SAMSN1: variants seen among roughly 807,000 people sequenced by gnomAD.
The protein encoded by SAMSN1 is SAM domain, SH3 domain and nuclear localization signals 1, also known as SAM domain-containing protein SAMSN-1.
In SAMSN1, 31 loss-of-function variants were observed where a neutral mutation model predicts 42.0. The observed-to-expected ratio is 0.74, with a 90% CI of 0.55 to 1.00. The LOEUF is 1.00. SAMSN1 is among the 50% of genes least tolerant of loss of function. The pLI is 0.00. For missense variants in SAMSN1, 464 were observed against 439.4 expected (o/e 1.06, Z -0.50); for synonymous variants, 178 against 151.9 (o/e 1.17, Z -1.26).
intron 1 of SAMSN1, among the ~76,000 whole-genome samples, chr21:14,542,421 T>C (rs1297470350): frequency 1.3e-5 from 2 of 152,060 alleles, no homozygotes; most frequent in Non-Finnish European, 2.9e-5. Flanking sequence ...TTAAATAAAT[T>C]AGTGTACAAA....
intron 6 of SAMSN1, among the ~76,000 whole-genome samples, chr21:14,599,744 G>A (rs1982378902): frequency 6.6e-6 from 1 of 152,140 alleles, no homozygotes; most frequent in Admixed American, 6.6e-5. Context: ...ATGAGTGGAA[G>A]CAGCCTGAGA....
At chr21:14,649,772 A>C (rs987815767) in intron 1 of SAMSN1, among the ~76,000 whole-genome samples, 3 of 135,646 alleles carry the variant, frequency 2.2e-5, no homozygotes, top group Non-Finnish European at 3.1e-5. Flanking sequence ...ACTGTCTCAA[A>C]ACACACACAC....
chr21:14,549,106 G>T (rs557235775), upstream of SAMSN1, among the ~76,000 whole-genome samples: 7 of 152,070 alleles, frequency 4.6e-5, no homozygotes, highest in African/African-American at 1.7e-4. Flanking sequence ...TGTATTTTTC[G>T]GGAAAGTAAG....
At chr21:14,614,886 C>A (rs1284658389) in intron 3 of SAMSN1, among the ~76,000 whole-genome samples, 2 of 152,084 alleles carry the variant, frequency 1.3e-5, no homozygotes, top group Non-Finnish European at 2.9e-5. Flanking sequence ...AAATCTGAGG[C>A]CCACCTTAAC....
chr21:14,536,415 A>C (rs1979623600), intron 1 of SAMSN1, among the ~76,000 whole-genome samples: 1 of 152,246 alleles, frequency 6.6e-6, no homozygotes, highest in Non-Finnish European at 1.5e-5. Flanking sequence ...TTCCAAACAA[A>C]GGGGAGGCTA....
chr21:14,639,319 A>G (rs535245186), intron 2 of SAMSN1, among the ~76,000 whole-genome samples: 2 of 152,320 alleles, frequency 1.3e-5, no homozygotes, highest in African/African-American at 4.8e-5. Context: ...TGAGAAGTCC[A>G]AGACAGAGGG....
chr21:14,496,213 T>G (rs542649180), intron 7 of SAMSN1: 1 of 152,342 alleles, frequency 6.6e-6, no homozygotes, highest in Admixed American at 6.5e-5. Context: ...ATTGGTGAAG[T>G]AGCAGAAAAC....
Position 14,494,644 on chromosome 21 carries a change from T to A in SAMSN1, c.919+3798A>T, listed in dbSNP as rs555516326. On this transcript the variant is annotated intron_variant, in intron 7 of 7. Coordinates refer to ENST00000400566, the MANE Select transcript of SAMSN1 (RefSeq NM_022136.5). ...ATGGGTGCAGCAAACCACCATGGCA[T>A]GTGTATACCTGTGTAACAAACCTCC... Among the ~76,000 whole-genome samples, 14 of 151,640 alleles carry A rather than the reference T, an allele frequency of 9.2e-5. No individual in the cohort carries two copies. In the East Asian group the frequency reaches 1.9e-3, roughly 21 times the overall value.
At chr21:14,555,317 T>A (rs948963320) in intron 2 of SAMSN1, among the ~76,000 whole-genome samples, 5 of 152,210 alleles carry the variant, frequency 3.3e-5, no homozygotes, top group African/African-American at 1.2e-4. Flanking sequence ...TAGGTTTGCA[T>A]CTTCTTGGTA....
chr21:14,553,461 T>C (rs1342929963), intron 2 of SAMSN1, among the ~76,000 whole-genome samples: 2 of 152,182 alleles, frequency 1.3e-5, no homozygotes. Context: ...AGATGTTTTT[T>C]CTGTTCTAAT....
At chr21:14,596,655 ACACT>A (rs1386919630) in intron 6 of SAMSN1, among the ~76,000 whole-genome samples, 7 of 152,174 alleles carry the variant, frequency 4.6e-5, no homozygotes, top group East Asian at 1.9e-4. Context: ...TTCTGCGAAG[ACACT>A]CAGCCTCATG....
At chr21:14,501,975 G>A (rs1365009801) in intron 5 of SAMSN1, among the ~76,000 whole-genome samples, 2 of 152,144 alleles carry the variant, frequency 1.3e-5, no homozygotes, top group African/African-American at 2.4e-5. Context: ...TATGCAAATA[G>A]GATGCCTATG....
At chr21:14,528,565 G>T (rs892936038) in intron 1 of SAMSN1, among the ~76,000 whole-genome samples, 7 of 152,148 alleles carry the variant, frequency 4.6e-5, no homozygotes, top group African/African-American at 7.2e-5. Flanking sequence ...AATGGTATTT[G>T]CTCATTGCTG....
Position 14,539,826 on chromosome 21 carries a change from G to A in SAMSN1, c.57+6379C>T, listed in dbSNP as rs1052668446. Among the ~76,000 whole-genome samples the A allele has an allele frequency of 2.0e-4, 30 of 152,192 alleles. 1 individual carries two copies. Among genetic ancestry groups the A allele is most frequent in the South Asian group, 4.2e-4 (2 of 4,814 alleles). ...TTCATATGCAACCAAAAAAGAGCCCGCATCGCCAAGTCAATCCTAAGCCAG... is the reference window on the plus strand; with the variant it reads ...TTCATATGCAACCAAAAAAGAGCCCACATCGCCAAGTCAATCCTAAGCCAG... On this transcript the variant is annotated intron_variant, in intron 1 of 7. Transcript: ENST00000400566.
intron 1 of SAMSN1, among the ~76,000 whole-genome samples, chr21:14,654,438 G>A (rs963526819): frequency 1.2e-4 from 18 of 151,960 alleles, no homozygotes; most frequent in African/African-American, 4.1e-4. Context: ...TAAAGTTTTA[G>A]ACATATTAAG....
intron 2 of SAMSN1, among the ~76,000 whole-genome samples, chr21:14,633,214 C>T (rs371537837): frequency 6.6e-6 from 1 of 152,192 alleles, no homozygotes; most frequent in Non-Finnish European, 1.5e-5. Flanking sequence ...CACACATACA[C>T]ACACACAGAC....
intron 2 of SAMSN1, among the ~76,000 whole-genome samples, chr21:14,577,745 C>G (rs958598674): frequency 2.0e-5 from 3 of 152,152 alleles, no homozygotes; most frequent in African/African-American, 4.8e-5. Flanking sequence ...CAGCTGAAAT[C>G]CCCTCTCAAC....
chr21:14,589,732 A>G (rs1982022977), intron 7 of SAMSN1, among the ~76,000 whole-genome samples: 1 of 152,126 alleles, frequency 6.6e-6, no homozygotes, highest in South Asian at 2.1e-4. Flanking sequence ...ACTAATGAAA[A>G]GATAGCTGAA....
chr21:14,601,899 A>G (rs1982442224), intron 6 of SAMSN1: 2 of 396,690 alleles, frequency 5.0e-6, no homozygotes, highest in East Asian at 3.6e-5. Context: ...AAAGCAACCT[A>G]TAATAACTAA....
Sources: gnomAD v4.1 joint callset for allele counts (sites outside exome capture counted in the v4.1 genomes callset) on GRCh38, gnomAD v4.1.1 for gene constraint, MANE v1.5 for transcripts, NCBI Gene and HGNC (gene_info 2026-07-23, HGNC 2026-07-21) for gene names.